Variants in DSG4 observed in about 807,000 individuals in gnomAD.
DSG4 encodes the protein desmoglein 4.
A neutral mutation model predicts 93.1 loss-of-function variants in DSG4; 87 were observed. The ratio of observed to expected loss-of-function variants is 0.93; its 90% confidence interval spans 0.79 to 1.12. The LOEUF is 1.12. Among genes scored for constraint, DSG4 ranks in the 50% most tolerant of loss-of-function variants. The pLI is 0.00. For synonymous variants in DSG4, 432 were observed against 452.9 expected (o/e 0.95, Z 0.59); for missense variants, 1,373 against 1,285.7 (o/e 1.07, Z -1.04).
intron 8 of DSG4, among the ~76,000 whole-genome samples, chr18:31,397,216 T>A (rs1273054720): frequency 6.6e-6 from 1 of 152,178 alleles, no homozygotes; most frequent in African/African-American, 2.4e-5. Context: ...AGAAGCCAAA[T>A]ACATTTCTGG....
At chr18:31,399,879 A>G (rs1274608139) in intron 9 of DSG4, among the ~76,000 whole-genome samples, 1 of 152,166 alleles carries the variant, frequency 6.6e-6, no homozygotes, top group Non-Finnish European at 1.5e-5. Flanking sequence ...ATTGTGGGCA[A>G]TAAGTCACCA....
At position 31,376,926 on chromosome 18, in the gene DSG4, C is replaced by T. The variant is rs750414713; in HGVS notation, c.15C>T (p.Phe5=). 9.9e-6 allele frequency: 16 copies of T among 1,613,600 alleles called. No individual in the cohort carries two copies. The highest frequency in any genetic ancestry group is 1.3e-5 in the Non-Finnish European group (15 of 1,179,700). The change falls in exon 1 of 16, where the codon TTC becomes TTT. Residue 5 remains phenylalanine, a synonymous_variant. Transcript: ENST00000308128. MDWL[F]FRNICLLIIL... Reference sequence around the variant, plus strand: ...AACCCAAAGGAATGGATTGGCTCTTCTTCAGAAACATTTGCCTTTTGATCA... The same window carrying T: ...AACCCAAAGGAATGGATTGGCTCTTTTTCAGAAACATTTGCCTTTTGATCA...
rs1178462506 is a variant in DSG4, at chr18:31,403,555, T to G, written c.1557T>G (p.Ser519=). 6.2e-7 allele frequency: 1 copy of G among 1,614,010 alleles called. No individual in the cohort carries two copies. Among genetic ancestry groups the G allele is most frequent in the Admixed American group, 1.7e-5 (1 of 59,998 alleles). The change falls in exon 11 of 16, where the codon TCT becomes TCG. Residue 519 remains serine (S), a synonymous_variant. Coordinates refer to ENST00000308128, the MANE Select transcript of DSG4 (RefSeq NM_177986.5). The part of the protein sequence containing the change: ...PSVLISVNEH[S]YGSPFTFCVV... ...TCCTTATCTCTGTTAATGAACATTC[T>G]TATGGGTCTCCGTTTACTTTCTGTG...
chr18:31,391,920 A>T (rs1206226058), intron 7 of DSG4, among the ~76,000 whole-genome samples: 1 of 152,178 alleles, frequency 6.6e-6, no homozygotes, highest in Non-Finnish European at 1.5e-5. Context: ...TAAATAAAAG[A>T]GAAAGGAACA....
rs1028715211 is a variant in DSG4 at position 31,411,416 on chromosome 18, A to C, written c.2323A>C (p.Asn775His). The C allele has an allele frequency of 6.2e-7, 1 of 1,613,938 alleles. No individual in the cohort carries two copies. Among genetic ancestry groups the C allele is most frequent in the Non-Finnish European group, 8.5e-7 (1 of 1,180,000 alleles). Residue 775 changes from asparagine (N) to histidine (H), a missense_variant, in exon 15 of 16, where the codon AAC becomes CAC. Physicochemically the swap from Asn to His is moderately conservative, Grantham distance 68. Coordinates refer to ENST00000308128, the MANE Select transcript of DSG4 (RefSeq NM_177986.5). ...GCGGGACTACGCTGACGCAGACATC[A>C]ACATGGCTTTCTTGGACAGCTACTT... ...TLRDYADADI[N>H]MAFLDSYFSE...
chr18:31,406,148 G>A lies in DSG4; in HGVS notation c.1708G>A (p.Asp570Asn), dbSNP rs752695249. Residue 570 changes from aspartate (D) to asparagine (N), a missense_variant, in exon 12 of 16, where the codon GAC (aspartate) becomes AAC (asparagine). Transcript: ENST00000308128. Reference sequence around the variant, plus strand: ...TTATGAAATCCCAATCCTGGTGAAGGACAGCTATAACAGAGCATGTGAATT... The same window carrying A: ...TTATGAAATCCCAATCCTGGTGAAGAACAGCTATAACAGAGCATGTGAATT... ...GFYEIPILVKDSYNRACELAQ... is the reference protein window; with the variant it reads ...GFYEIPILVKNSYNRACELAQ... 14 of 1,613,974 alleles carry A rather than the reference G, an allele frequency of 8.7e-6. No homozygotes were observed. Among genetic ancestry groups the A allele is most frequent in the Non-Finnish European group, 1.2e-5 (14 of 1,180,028 alleles).
intron 1 of DSG4, among the ~76,000 whole-genome samples, chr18:31,379,816 C>T (rs1047268414): frequency 1.3e-5 from 2 of 152,162 alleles, no homozygotes; most frequent in Non-Finnish European, 2.9e-5. Flanking sequence ...TTTCTATTTA[C>T]TTGTCAGGCA....
At chr18:31,377,762 G>A (rs73410243) in intron 1 of DSG4, among the ~76,000 whole-genome samples, 10,510 of 152,252 alleles carry the variant, frequency 0.069, 381 homozygotes, top group African/African-American at 0.094. Context: ...TTCTGGGAGG[G>A]TAAGAGGACA....
At chr18:31,381,144 T>G (rs544296863) in intron 1 of DSG4, among the ~76,000 whole-genome samples, 3 of 152,202 alleles carry the variant, frequency 2.0e-5, no homozygotes, top group Non-Finnish European at 4.4e-5. Flanking sequence ...TTCTAACTTA[T>G]CTTTCTTACC....
chr18:31,393,772 T>C (rs1208405136), intron 8 of DSG4, among the ~76,000 whole-genome samples: 3 of 152,344 alleles, frequency 2.0e-5, no homozygotes, highest in Non-Finnish European at 2.9e-5. Flanking sequence ...CGTTTATTCA[T>C]TGGGTCTTTC....
rs16961847 is a variant in DSG4, at chr18:31,400,868, T to A, written c.1278-13T>A. On this transcript the variant is annotated splice_polypyrimidine_tract_variant and intron_variant, in intron 9 of 15. Transcript: ENST00000308128. ...ATAAAAGCATGATAACGAACTTTTTTATTTAAAAACAGATATATCATAGGG... is the reference window on the plus strand; with the variant it reads ...ATAAAAGCATGATAACGAACTTTTTAATTTAAAAACAGATATATCATAGGG... The A allele has an allele frequency of 1.9e-6, 3 of 1,611,260 alleles. No homozygotes were observed. Among genetic ancestry groups the A allele is most frequent in the East Asian group, 2.2e-5 (1 of 44,708 alleles).
intron 15 of DSG4, 77 bp from the exon 16 acceptor site, chr18:31,412,751 C>G: frequency 6.8e-7 from 1 of 1,480,818 alleles, no homozygotes; most frequent in South Asian, 1.2e-5. Context: ...TCAGAAGTCT[C>G]TCTGAGGGAT....
At chr18:31,388,575 T>C in intron 4 of DSG4, 53 bp downstream of exon 4, 1 of 1,602,076 alleles carries the variant, frequency 6.2e-7, no homozygotes. Context: ...CTTCCCTTTT[T>C]CAAAAAATAT....
At chr18:31,383,029 A>G (rs1408397106) in intron 1 of DSG4, among the ~76,000 whole-genome samples, 1 of 152,184 alleles carries the variant, frequency 6.6e-6, no homozygotes, top group East Asian at 1.9e-4. Flanking sequence ...TGATGTGGCT[A>G]CTTTCAAGTC....
intron 11 of DSG4, among the ~76,000 whole-genome samples, chr18:31,405,750 G>A (rs1421724327): frequency 1.3e-5 from 2 of 151,950 alleles, no homozygotes; most frequent in Non-Finnish European, 2.9e-5. Flanking sequence ...CAGGCATGGT[G>A]CCACACACCT....
At chr18:31,394,407 A>C (rs959911966) in intron 8 of DSG4, among the ~76,000 whole-genome samples, 1 of 152,110 alleles carries the variant, frequency 6.6e-6, no homozygotes, top group Non-Finnish European at 1.5e-5. Context: ...GAGAAACCCC[A>C]TCTCTACTAA....
chr18:31,406,059 T>G lies in DSG4; in HGVS notation c.1637-18T>G. On this transcript the variant is annotated intron_variant, in intron 11 of 15. Transcript: ENST00000308128. ...AAGGAATTTCCATTTATTTTCTGTT[T>G]CCTCTCTTCCATTTCAGCTACCTCG... 1 of 1,613,716 alleles carries G rather than the reference T, an allele frequency of 6.2e-7. No homozygotes were observed. The highest frequency in any genetic ancestry group is 1.1e-5 in the South Asian group (1 of 91,028).
At position 31,391,061 on chromosome 18, in the gene DSG4, T is replaced by C. The variant is rs1418794377; in HGVS notation, c.685-17T>C. 5.0e-6 allele frequency: 8 copies of C among 1,613,418 alleles called. No homozygotes were observed. Among genetic ancestry groups the C allele is most frequent in the Non-Finnish European group, 6.8e-6 (8 of 1,179,612 alleles). ...AGACAAAACCTAAGTCTTACGTTCT[T>C]TTTCATCTTGATTAAGCAACACAGT... is the stretch of plus-strand genomic sequence containing the variant. On this transcript the variant is annotated splice_polypyrimidine_tract_variant and intron_variant, in intron 6 of 15. Coordinates refer to ENST00000308128, the MANE Select transcript of DSG4 (RefSeq NM_177986.5).
chr18:31,401,052 A>G, intron 10 of DSG4, 32 bp downstream of exon 10: 1 of 1,515,486 alleles, frequency 6.6e-7, no homozygotes, highest in Admixed American at 1.8e-5. Context: ...ATTTTAAGAA[A>G]ACTAGTACTA....
Sources: allele counts gnomAD v4.1 joint callset (sites outside exome capture counted in the v4.1 genomes callset), GRCh38; gene constraint gnomAD v4.1.1; transcripts MANE v1.5; gene names NCBI Gene and HGNC (gene_info 2026-07-23, HGNC 2026-07-21).